Variants in TMEM132E observed in about 807,000 individuals in gnomAD.
TMEM132E encodes transmembrane protein 132E.
A neutral mutation model predicts 78.5 loss-of-function variants in TMEM132E; 49 were observed. The observed-to-expected ratio is 0.62, with a 90% CI of 0.50 to 0.79. The LOEUF (loss-of-function observed/expected upper bound fraction) is 0.79, where lower values mean the gene tolerates loss of function less well. Among genes scored for constraint, TMEM132E ranks in the 30% least tolerant of loss-of-function variants. The pLI, the probability that TMEM132E is intolerant of heterozygous loss-of-function variation, is 0.00. For missense variants in TMEM132E, 1,403 were observed against 1,470.9 expected (o/e 0.95, Z 0.75); for synonymous variants, 715 against 670.6 (o/e 1.07, Z -1.02).
Position 34,626,356 on chromosome 17 carries a change from C to T in TMEM132E, c.297C>T (p.Thr99=). 6.2e-7 allele frequency: 1 copy of T among 1,613,260 alleles called. No individual in the cohort carries two copies. The highest frequency in any genetic ancestry group is 1.7e-5 in the Admixed American group (1 of 59,992). Residue 99 remains threonine (T), a synonymous_variant, in exon 2 of 9, where the codon ACC becomes ACT. Coordinates refer to ENST00000631683, the MANE Select transcript of TMEM132E (RefSeq NM_001304438.2). ...ACGTCTCTCTGGGGCCCTTCAGCAC[C>T]AGCCAGGTGGTGGCGCGGGAGCTCC... ...VLNVSLGPFS[T]SQVVARELLQ... is the part of the protein sequence containing the mutation.
intron 2 of TMEM132E, among the ~76,000 whole-genome samples, chr17:34,628,273 CAGA>C (rs1356920943): frequency 6.6e-6 from 1 of 152,138 alleles, no homozygotes; most frequent in Non-Finnish European, 1.5e-5. Flanking sequence ...GGGATGTGTG[CAGA>C]AGTAGTGAGT....
intron 1 of TMEM132E, among the ~76,000 whole-genome samples, chr17:34,594,491 T>C (rs1905987990): frequency 6.6e-6 from 1 of 152,240 alleles, no homozygotes; most frequent in African/African-American, 2.4e-5. Context: ...GCCTTTCTCA[T>C]AGAGTTGCTG....
chr17:34,637,253 A>G lies in TMEM132E; in HGVS notation c.2246A>G (p.Tyr749Cys), dbSNP rs1487505987. 6.2e-7 allele frequency: 1 copy of G among 1,614,044 alleles called. No individual in the cohort carries two copies. The highest frequency in any genetic ancestry group is 8.5e-7 in the Non-Finnish European group (1 of 1,180,012). Residue 749 changes from tyrosine to cysteine, a missense_variant, in exon 9 of 9, where the codon TAT (tyrosine) becomes TGT (cysteine). By Grantham distance (194) the Tyr-to-Cys change is radical. Coordinates refer to ENST00000631683, the MANE Select transcript of TMEM132E (RefSeq NM_001304438.2). ...APLSLYSPRD[Y>C]GLLVSSLDEH... The stretch of plus-strand genomic sequence containing the variant: ...CTCTCCCTCTACAGCCCACGAGACT[A>G]TGGACTGCTAGTGAGCAGCCTGGAT...
intron 7 of TMEM132E, among the ~76,000 whole-genome samples, chr17:34,635,357 C>T (rs1597693809): frequency 6.6e-6 from 1 of 152,130 alleles, no homozygotes; most frequent in East Asian, 1.9e-4. Flanking sequence ...GAGAGTCAGC[C>T]AGCCTAGAGT....
chr17:34,587,722 G>T (rs888420601), intron 1 of TMEM132E, among the ~76,000 whole-genome samples: 1 of 152,166 alleles, frequency 6.6e-6, no homozygotes, highest in Non-Finnish European at 1.5e-5. Context: ...AGGAGCACAG[G>T]TGCACACTCA....
Position 34,617,724 on chromosome 17 carries a change from A to G in TMEM132E, c.68-8403A>G, listed in dbSNP as rs185423580. ...TGAAATTTGACTGAGAGTTTATGTG[A>G]CTCCAAAGCCAAACGGGCTCTTTCT... On this transcript the variant is annotated intron_variant, in intron 1 of 8. Coordinates refer to ENST00000631683, the MANE Select transcript of TMEM132E (RefSeq NM_001304438.2). Among the ~76,000 whole-genome samples the G allele has an allele frequency of 5.9e-5, 9 of 152,212 alleles. No individual in the cohort carries two copies. The East Asian group carries it at 1.7e-3, about 29-fold the overall frequency.
At chr17:34,624,126 A>G (rs1907049947) in intron 1 of TMEM132E, among the ~76,000 whole-genome samples, 1 of 152,232 alleles carries the variant, frequency 6.6e-6, no homozygotes, top group African/African-American at 2.4e-5. Flanking sequence ...TTTTTTGAAC[A>G]AGGAAGATTA....
At chr17:34,605,176 G>C (rs1906371893) in intron 1 of TMEM132E, among the ~76,000 whole-genome samples, 1 of 152,198 alleles carries the variant, frequency 6.6e-6, no homozygotes. Context: ...CGTCCTAAGT[G>C]AGTGGATTCA....
intron 1 of TMEM132E, among the ~76,000 whole-genome samples, chr17:34,617,418 C>T (rs1478229316): frequency 6.6e-6 from 1 of 152,158 alleles, no homozygotes; most frequent in Non-Finnish European, 1.5e-5. Flanking sequence ...AGAAGACCTG[C>T]GTGAGCCAGA....
At chr17:34,591,805 C>T (rs1905877819) in intron 1 of TMEM132E, among the ~76,000 whole-genome samples, 1 of 152,178 alleles carries the variant, frequency 6.6e-6, no homozygotes, top group Admixed American at 6.5e-5. Context: ...ATGGTGTGGG[C>T]TGCCTGCCCT....
chr17:34,613,721 C>A (rs1906689314), intron 1 of TMEM132E, among the ~76,000 whole-genome samples: 1 of 152,104 alleles, frequency 6.6e-6, no homozygotes, highest in Non-Finnish European at 1.5e-5. Context: ...GGGTCTCTCT[C>A]CCTCCCCCAG....
intron 1 of TMEM132E, among the ~76,000 whole-genome samples, chr17:34,585,803 G>A (rs1224570096): frequency 2.6e-5 from 4 of 152,190 alleles, no homozygotes; most frequent in South Asian, 2.1e-4. Flanking sequence ...GAAATGTGAG[G>A]GATTCCAGAC....
intron 6 of TMEM132E, among the ~76,000 whole-genome samples, chr17:34,633,503 G>A (rs558266678): frequency 6.6e-6 from 1 of 152,244 alleles, no homozygotes; most frequent in Non-Finnish European, 1.5e-5. Flanking sequence ...GTGCCCATAC[G>A]TGGGGCACAT....
chr17:34,605,998 A>G (rs2142063256), intron 1 of TMEM132E, among the ~76,000 whole-genome samples: 1 of 152,332 alleles, frequency 6.6e-6, no homozygotes, highest in African/African-American at 2.4e-5. Context: ...TCCACCTACA[A>G]CAAAGCCATG....
Position 34,618,047 on chromosome 17 carries a change from G to A in TMEM132E, c.68-8080G>A, listed in dbSNP as rs538293028. On this transcript the variant is annotated intron_variant, in intron 1 of 8. Coordinates refer to ENST00000631683, the MANE Select transcript of TMEM132E (RefSeq NM_001304438.2). Reference sequence around the variant, plus strand: ...GTTTAATGCCCTGCTTTGTTAATTCGCACTATTTTGTGAACATTTTCCCAT... The same window carrying A: ...GTTTAATGCCCTGCTTTGTTAATTCACACTATTTTGTGAACATTTTCCCAT... Among the ~76,000 whole-genome samples the A allele has an allele frequency of 1.5e-4, 23 of 152,046 alleles. No individual in the cohort carries two copies. The South Asian group carries it at 2.7e-3, about 18-fold the overall frequency.
intron 1 of TMEM132E, among the ~76,000 whole-genome samples, chr17:34,585,906 A>G (rs537734150): frequency 6.6e-6 from 1 of 152,316 alleles, no homozygotes; most frequent in African/African-American, 2.4e-5. Context: ...TTGAAATCAC[A>G]CAGTCCTCAG....
chr17:34,617,055 A>G (rs1349114632), intron 1 of TMEM132E, among the ~76,000 whole-genome samples: 1 of 152,208 alleles, frequency 6.6e-6, no homozygotes, highest in Non-Finnish European at 1.5e-5. Flanking sequence ...TAGGGAAGGC[A>G]GTGTTCAGGG....
chr17:34,617,472 C>CAA (rs1906820758), intron 1 of TMEM132E, among the ~76,000 whole-genome samples: 1 of 152,218 alleles, frequency 6.6e-6, no homozygotes, highest in Non-Finnish European at 1.5e-5. Context: ...CACTTCCCTC[C>CAA]TCTCAGAACT....
chr17:34,582,257 AGCGCCCTCGGTGT>A (rs1905517083), intron 1 of TMEM132E, among the ~76,000 whole-genome samples: 1 of 151,800 alleles, frequency 6.6e-6, no homozygotes, highest in African/African-American at 2.4e-5. Flanking sequence ...GCATTGGTGG[AGCGCCCTCGGTGT>A]GCCGGGCTCA....
Sources: allele counts gnomAD v4.1 joint callset (sites outside exome capture counted in the v4.1 genomes callset), GRCh38; gene constraint gnomAD v4.1.1; transcripts MANE v1.5; gene names NCBI Gene and HGNC (gene_info 2026-07-23, HGNC 2026-07-21).